Variants in MYO10 observed in about 807,000 individuals in gnomAD.
MYO10 encodes the protein myosin X.
Under a neutral mutation model 257.3 loss-of-function variants are expected in MYO10, and 133 were observed. That is an observed-to-expected ratio of 0.52 (90% CI 0.45 to 0.60). The LOEUF is 0.60. Ranked by LOEUF, MYO10 falls within the 20% of genes least tolerant of loss-of-function variation. The probability of loss-of-function intolerance (pLI) is 0.00; values close to 1 mark genes in which losing one functional copy is unlikely to be tolerated. For missense variants in MYO10, 2,399 were observed against 2,635.7 expected (o/e 0.91, Z 1.97); for synonymous variants, 1,104 against 1,028.6 (o/e 1.07, Z -1.40).
chr5:16,915,968 A>G (rs1377503120), intron 1 of MYO10: 1 of 444,992 alleles, frequency 2.2e-6, no homozygotes, highest in African/African-American at 2.0e-5. Flanking sequence ...AAAAGAAAAA[A>G]AAAAAAAAAA....
chr5:16,690,991 C>T (rs1426647833), intron 27 of MYO10, among the ~76,000 whole-genome samples: 4 of 152,072 alleles, frequency 2.6e-5, no homozygotes, highest in Non-Finnish European at 5.9e-5. Flanking sequence ...AATGTTCGGC[C>T]GGGCGTGGTG....
intron 26 of MYO10, among the ~76,000 whole-genome samples, chr5:16,698,186 C>T (rs1475738826): frequency 6.6e-6 from 1 of 152,144 alleles, no homozygotes; most frequent in Non-Finnish European, 1.5e-5. Flanking sequence ...GCCTGGGCAA[C>T]ATAGTGAGAT....
intron 34 of MYO10, among the ~76,000 whole-genome samples, chr5:16,675,731 CTG>C (rs1251794267): frequency 2.0e-5 from 3 of 152,078 alleles, no homozygotes; most frequent in African/African-American, 7.2e-5. Context: ...GAGTAAGACT[CTG>C]TCTCAAAAAA....
chr5:16,676,953 T>G (rs1736753365), intron 33 of MYO10, among the ~76,000 whole-genome samples: 1 of 152,220 alleles, frequency 6.6e-6, no homozygotes, highest in Non-Finnish European at 1.5e-5. Context: ...AAACACATTT[T>G]GCTAGTTCTT....
At chr5:16,698,431 C>T (rs1737861795) in intron 26 of MYO10, among the ~76,000 whole-genome samples, 1 of 151,626 alleles carries the variant, frequency 6.6e-6, no homozygotes, top group Non-Finnish European at 1.5e-5. Flanking sequence ...CTCAAGGCCC[C>T]TAAGTGTTAA....
intron 1 of MYO10, among the ~76,000 whole-genome samples, chr5:16,929,524 G>A (rs910419550): frequency 3.3e-5 from 5 of 152,200 alleles, no homozygotes; most frequent in South Asian, 2.1e-4. Flanking sequence ...CCTGGCTATC[G>A]TTTTCTAGCT....
intron 19 of MYO10, among the ~76,000 whole-genome samples, chr5:16,736,590 G>A (rs1415048209): frequency 1.3e-5 from 2 of 152,062 alleles, no homozygotes; most frequent in African/African-American, 4.8e-5. Flanking sequence ...AATTCGCAAG[G>A]TACCTCTGAT....
At chr5:16,671,669 G>C in intron 37 of MYO10, 127 bp from the exon 38 acceptor site, 1 of 1,174,794 alleles carries the variant, frequency 8.5e-7, no homozygotes, top group Non-Finnish European at 1.2e-6. Flanking sequence ...GAAAACAGTG[G>C]ATAGAGATGG....
chr5:16,676,482 T>C (rs1217493254), intron 33 of MYO10, among the ~76,000 whole-genome samples: 1 of 152,196 alleles, frequency 6.6e-6, no homozygotes, highest in African/African-American at 2.4e-5. Flanking sequence ...TTTGGGAGGC[T>C]GACGCAGGTG....
intron 9 of MYO10, among the ~76,000 whole-genome samples, chr5:16,778,489 A>G (rs12520918): frequency 0.21 from 31,618 of 151,930 alleles, 3,457 homozygotes; most frequent in Middle Eastern, 0.24. Context: ...TTTTGGGTCG[A>G]TGAGGGAACC....
chr5:16,761,478 C>G lies in MYO10; in HGVS notation c.1725G>C (p.Leu575Phe), dbSNP rs748835670. Residue 575 changes from leucine to phenylalanine, a missense_variant, in exon 17 of 41, where the codon TTG becomes TTC. By Grantham distance (22) the Leu-to-Phe change is conservative. This residue lies in a region of MYO10 where 1,820 missense variants were observed against 1,939.4 expected (regional missense o/e 0.94). Transcript: ENST00000513610. Reference sequence around the variant, plus strand: ...GACTGACATACCGGCTTTCTCTTAGCAAATTGAGAAGGTCATCTCGAAATG... The same window carrying G: ...GACTGACATACCGGCTTTCTCTTAGGAAATTGAGAAGGTCATCTCGAAATG... ...RDTFRDDLLN[L>F]LRESRFDFIY... The G allele has an allele frequency of 6.2e-7, 1 of 1,612,954 alleles. No individual in the cohort carries two copies. Among genetic ancestry groups the G allele is most frequent in the Non-Finnish European group, 8.5e-7 (1 of 1,179,238 alleles).
At chr5:16,834,994 T>A (rs891256276) in intron 2 of MYO10, among the ~76,000 whole-genome samples, 1 of 152,000 alleles carries the variant, frequency 6.6e-6, no homozygotes, top group African/African-American at 2.4e-5. Context: ...GACAACATGG[T>A]GAAACCCCAT....
chr5:16,848,694 G>A (rs1743714310), intron 2 of MYO10, among the ~76,000 whole-genome samples: 1 of 151,914 alleles, frequency 6.6e-6, no homozygotes, highest in Non-Finnish European at 1.5e-5. Context: ...ACGGCAGAAG[G>A]GCTAGTCTCT....
chr5:16,826,141 C>T (rs1359052990), intron 2 of MYO10, among the ~76,000 whole-genome samples: 3 of 151,634 alleles, frequency 2.0e-5, no homozygotes, highest in Non-Finnish European at 4.4e-5. Flanking sequence ...TAGAATGAGA[C>T]TCAGTCTCGA....
chr5:16,669,440 A>G (rs1352269400), intron 39 of MYO10, among the ~76,000 whole-genome samples: 2 of 152,020 alleles, frequency 1.3e-5, no homozygotes, highest in African/African-American at 2.4e-5. Flanking sequence ...TCCTGACCTC[A>G]TGATCCGCCC....
intron 29 of MYO10, among the ~76,000 whole-genome samples, chr5:16,685,258 T>C (rs1737195696): frequency 6.6e-6 from 1 of 152,200 alleles, no homozygotes; most frequent in Non-Finnish European, 1.5e-5. Flanking sequence ...GTCAGGCTGC[T>C]GGAGTTCAGT....
chr5:16,796,223 G>T (rs1437006078), intron 3 of MYO10, among the ~76,000 whole-genome samples: 1 of 117,404 alleles, frequency 8.5e-6, no homozygotes, highest in East Asian at 2.5e-4. Context: ...GAGAGAGAGC[G>T]AGAAAGAGAA....
chr5:16,784,699 T>C (rs1741522432), intron 4 of MYO10, among the ~76,000 whole-genome samples: 1 of 152,212 alleles, frequency 6.6e-6, no homozygotes, highest in Non-Finnish European at 1.5e-5. Context: ...GATGGGCAGA[T>C]GAGCCCCTTT....
intron 25 of MYO10, 141 bp downstream of exon 25, chr5:16,700,822 G>T: frequency 9.2e-7 from 1 of 1,089,762 alleles, no homozygotes; most frequent in Non-Finnish European, 1.3e-6. Flanking sequence ...ATAAGCAAAA[G>T]GTTTAAGATG....
Sources: allele counts gnomAD v4.1 joint callset (sites outside exome capture counted in the v4.1 genomes callset), GRCh38; gene constraint gnomAD v4.1.1; regional missense constraint gnomAD v4.1.1; transcripts MANE v1.5; gene names NCBI Gene and HGNC (gene_info 2026-07-23, HGNC 2026-07-21).